Variants in NUDT3 observed in about 807,000 individuals in gnomAD.
NUDT3 encodes diphosphoinositol polyphosphate phosphohydrolase 1.
NUDT3 carries 9 observed loss-of-function variants against 23.6 expected under a neutral mutation model. The ratio of observed to expected loss-of-function variants is 0.38; its 90% CI spans 0.23 to 0.66. The LOEUF (loss-of-function observed/expected upper bound fraction) is 0.66. Among genes scored for constraint, NUDT3 ranks in the 30% least tolerant of loss-of-function variants. NUDT3 has a pLI of 0.52. For synonymous variants in NUDT3, 86 were observed against 82.6 expected, an observed-to-expected ratio of 1.04 and a Z score of -0.22; for missense variants, 172 against 218.5, an observed-to-expected ratio of 0.79 and a Z score of 1.34.
intron 2 of NUDT3, among the ~76,000 whole-genome samples, chr6:34,320,125 G>A (rs1268337635): frequency 6.6e-6 from 1 of 151,720 alleles, no homozygotes; most frequent in Non-Finnish European, 1.5e-5. Flanking sequence ...CCACAGTCAA[G>A]AAGGAGGGCT....
At chr6:34,301,900 A>G (rs563927380) in intron 2 of NUDT3, among the ~76,000 whole-genome samples, 3 of 152,318 alleles carry the variant, frequency 2.0e-5, no homozygotes, top group African/African-American at 7.2e-5. Flanking sequence ...ATTGCATTAC[A>G]TTATTTTTTA....
intron 2 of NUDT3, among the ~76,000 whole-genome samples, chr6:34,329,978 CTCA>C (rs1764103403): frequency 6.6e-6 from 1 of 152,168 alleles, no homozygotes; most frequent in South Asian, 2.1e-4. Flanking sequence ...AGGACATGAA[CTCA>C]TCCTTTTTTA....
intron 4 of NUDT3, among the ~76,000 whole-genome samples, chr6:34,289,917 T>C (rs1763393089): frequency 6.6e-6 from 1 of 152,184 alleles, no homozygotes; most frequent in Admixed American, 6.5e-5. Context: ...CAAAATTGGA[T>C]CATGCTTTCA....
chr6:34,385,010 C>T (rs1765081706), intron 1 of NUDT3, among the ~76,000 whole-genome samples: 1 of 137,010 alleles, frequency 7.3e-6, no homozygotes, highest in South Asian at 2.3e-4. Flanking sequence ...GCCTGGTCAA[C>T]AGAGCAAGAC....
chr6:34,319,220 G>T (rs1763904457), intron 2 of NUDT3, among the ~76,000 whole-genome samples: 1 of 152,112 alleles, frequency 6.6e-6, no homozygotes, highest in Non-Finnish European at 1.5e-5. Flanking sequence ...ATGCCAGCAG[G>T]TTGTCATCCA....
At chr6:34,390,663 T>G (rs570284776) in intron 1 of NUDT3, among the ~76,000 whole-genome samples, 8 of 152,078 alleles carry the variant, frequency 5.3e-5, no homozygotes, top group Admixed American at 6.6e-5. Flanking sequence ...CGGCCTGGTG[T>G]GATTTTTTTA....
intron 4 of NUDT3, among the ~76,000 whole-genome samples, chr6:34,291,768 G>A (rs143147899): frequency 2.6e-4 from 39 of 152,246 alleles, no homozygotes; most frequent in African/African-American, 8.4e-4. Context: ...CTCCCAAAGC[G>A]CTGGGATTAC....
intron 4 of NUDT3, 65 bp downstream of exon 4, chr6:34,293,386 T>G: frequency 6.3e-7 from 1 of 1,594,776 alleles, no homozygotes; most frequent in Non-Finnish European, 8.6e-7. Flanking sequence ...GTTCTGGTCA[T>G]GACCTGTGGC....
chr6:34,338,749 G>C (rs547892173), intron 2 of NUDT3, among the ~76,000 whole-genome samples: 8 of 152,250 alleles, frequency 5.3e-5, no homozygotes, highest in Admixed American at 3.9e-4. Context: ...TCTCTAGAGG[G>C]GGATGCTTTG....
chr6:34,322,480 T>C (rs557411913), intron 2 of NUDT3, among the ~76,000 whole-genome samples: 15 of 152,270 alleles, frequency 9.9e-5, no homozygotes, highest in East Asian at 7.7e-4. Flanking sequence ...CCGCCCACCT[T>C]GGCCTCCCAA....
At chr6:34,345,047 T>C (rs1764343556) in intron 1 of NUDT3, among the ~76,000 whole-genome samples, 1 of 151,490 alleles carries the variant, frequency 6.6e-6, no homozygotes, top group Non-Finnish European at 1.5e-5. Context: ...TTTTTTGTTT[T>C]GTTTTGTTTT....
rs1478922257 is a variant in NUDT3, at chr6:34,297,752, TATATATA to T, written c.211-2074_211-2068del. ...AAAAATATATATATATATATATATATATATATAATTTTTTTTTTTTTTTTAGTAGAGA... is the reference window on the plus strand; with the variant it reads ...AAAAATATATATATATATATATATATATTTTTTTTTTTTTTTTAGTAGAGA... On this transcript the variant is annotated intron_variant, in intron 2 of 4. Transcript: ENST00000607016. 1.7e-3 allele frequency among the ~76,000 whole-genome samples: 177 copies of T among 101,332 alleles called. 1 individual carries two copies. The highest frequency in any genetic ancestry group is 0.011 in the East Asian group (40 of 3,558). The allele number at this position is 101,332 out of a possible 152,430, so 66.5% of individuals were successfully genotyped here. A position where few individuals can be genotyped will look rare whatever the true frequency, so the allele number is the denominator to read the frequency against.
chr6:34,352,641 A>G (rs1276459826), intron 1 of NUDT3, among the ~76,000 whole-genome samples: 1 of 152,222 alleles, frequency 6.6e-6, no homozygotes, highest in Non-Finnish European at 1.5e-5. Context: ...TACATGCTCA[A>G]ACAGAAGACA....
chr6:34,342,289 C>CAAAAAA lies in NUDT3; in HGVS notation c.100-323_100-318dup, dbSNP rs200954440. Among the ~76,000 whole-genome samples, 63 of 66,484 alleles carry CAAAAAA rather than the reference C, an allele frequency of 9.5e-4. 2 individuals are homozygous for CAAAAAA. Among genetic ancestry groups the CAAAAAA allele is most frequent in the Non-Finnish European group, 1.6e-3 (40 of 25,506 alleles). The allele number at this position is 66,484 out of a possible 152,430, so 43.6% of individuals were successfully genotyped here. A position where few individuals can be genotyped will look rare whatever the true frequency, so the allele number is the denominator to read the frequency against. ...ACCTGACAAGGTGAATAGAAGACTT[C>CAAAAAA]AAAAAAAAAAAAAAAAAAAAAAAAA... On this transcript the variant is annotated intron_variant, in intron 1 of 4. Transcript: ENST00000607016.
At chr6:34,347,068 C>T (rs1039837089) in intron 1 of NUDT3, among the ~76,000 whole-genome samples, 1 of 152,214 alleles carries the variant, frequency 6.6e-6, no homozygotes. Context: ...TGTGCCCACC[C>T]ACAAAAATTT....
At position 34,297,754 on chromosome 6, in the gene NUDT3, TA is replaced by T. The variant is rs1461208075; in HGVS notation, c.211-2070del. On this transcript the variant is annotated intron_variant, in intron 2 of 4. Transcript: ENST00000607016. Reference sequence around the variant, plus strand: ...AAATATATATATATATATATATATATATATAATTTTTTTTTTTTTTTTAGTA... The same window carrying T: ...AAATATATATATATATATATATATATTATAATTTTTTTTTTTTTTTTAGTA... Among the ~76,000 whole-genome samples the T allele has an allele frequency of 2.9e-3, 284 of 97,632 alleles. 8 individuals are homozygous for T. The highest frequency in any genetic ancestry group is 0.026 in the East Asian group (85 of 3,278). The allele number at this position is 97,632 out of a possible 152,430, so 64.1% of individuals were successfully genotyped here. A position where few individuals can be genotyped will look rare whatever the true frequency, so the allele number is the denominator to read the frequency against.
At chr6:34,389,259 C>G (rs976476503) in intron 1 of NUDT3, among the ~76,000 whole-genome samples, 1 of 152,174 alleles carries the variant, frequency 6.6e-6, no homozygotes, top group Non-Finnish European at 1.5e-5. Flanking sequence ...TGAATGCTCA[C>G]GAAATCCAAT....
At chr6:34,309,542 C>A (rs1253124569) in intron 2 of NUDT3, among the ~76,000 whole-genome samples, 2 of 151,652 alleles carry the variant, frequency 1.3e-5, no homozygotes, top group African/African-American at 4.8e-5. Flanking sequence ...GAACAGAAAT[C>A]AAAGAAGTTG....
chr6:34,289,197 CTCCTGCGTCTCTGAGCTT>C (rs913175576), intron 4 of NUDT3, among the ~76,000 whole-genome samples: 2 of 152,194 alleles, frequency 1.3e-5, no homozygotes, highest in African/African-American at 4.8e-5. Context: ...TCCTCCTGCC[CTCCTGCGTCTCTGAGCTT>C]TCCTTGCTTG....
Sources: allele counts gnomAD v4.1 joint callset (sites outside exome capture counted in the v4.1 genomes callset), GRCh38; gene constraint gnomAD v4.1.1; transcripts MANE v1.5; gene names NCBI Gene and HGNC (gene_info 2026-07-23, HGNC 2026-07-21).